The following MADD variants were observed in gnomAD, a reference collection of about 807,000 sequenced individuals.
MADD encodes the protein MAP kinase-activating death domain protein.
Under a neutral mutation model 176.7 loss-of-function variants are expected in MADD, and 109 were observed. The ratio of observed to expected loss-of-function variants is 0.62; its 90% CI spans 0.53 to 0.72. The LOEUF (loss-of-function observed/expected upper bound fraction) is 0.72. Ranked by LOEUF, MADD falls within the 30% of genes least tolerant of loss-of-function variation. The pLI is 0.00. For missense variants in MADD, 1,914 were observed against 2,045.5 expected, an observed-to-expected ratio of 0.94 and a Z score of 1.24; for synonymous variants, 771 against 771.3, an observed-to-expected ratio of 1.00 and a Z score of 0.01.
intron 27 of MADD, 23 bp from the exon 31 acceptor site, chr11:47,323,648 A>G (rs887443449): frequency 1.9e-6 from 3 of 1,608,334 alleles, no homozygotes; most frequent in Non-Finnish European, 2.5e-6. Context: ...GGAACCACTG[A>G]GCCGCTTTGT....
chr11:47,310,631 C>T (rs1594578306), intron 25 of MADD, among the ~76,000 whole-genome samples: 2 of 151,790 alleles, frequency 1.3e-5, no homozygotes, highest in Admixed American at 6.6e-5. Flanking sequence ...CAGGACCAGG[C>T]GCGGTGGCTC....
intron 7 of MADD, among the ~76,000 whole-genome samples, chr11:47,280,422 CAG>C (rs1183439529): frequency 6.6e-6 from 1 of 152,116 alleles, no homozygotes; most frequent in Non-Finnish European, 1.5e-5. Context: ...CTTGTTACTG[CAG>C]AGTCTAGTGG....
At chr11:47,327,868 C>G in intron 31 of MADD, 1 of 985,402 alleles carries the variant, frequency 1.0e-6, no homozygotes, top group Middle Eastern at 5.2e-4. Flanking sequence ...GGTGGCTGAG[C>G]CTGGGGGGCC....
chr11:47,328,674 AGTG>A (rs1366007817), exon 32 of MADD: 4 of 1,614,254 alleles, frequency 2.5e-6, no homozygotes, highest in Non-Finnish European at 3.4e-6. Context: ...AAATTAAAGA[AGTG>A]GTGAGCCACA....
chr11:47,283,444 C>T (rs749847355), intron 10 of MADD, among the ~76,000 whole-genome samples: 5 of 151,930 alleles, frequency 3.3e-5, no homozygotes, highest in Non-Finnish European at 7.4e-5. Flanking sequence ...CTCTGTCACG[C>T]GGTCTGGAGT....
At position 47,328,624 on chromosome 11, in the gene MADD, C is replaced by G. The variant is rs201535748; in HGVS notation, c.4613-34C>G. 137 of 1,614,068 alleles carry G rather than the reference C, an allele frequency of 8.5e-5. 1 individual carries two copies. The highest frequency in any genetic ancestry group is 8.2e-4 in the Admixed American group (49 of 59,992). On this transcript the variant is annotated intron_variant, in intron 31 of 32. Coordinates refer to ENST00000402192, the Ensembl canonical transcript of MADD. ...TGGCACGATTGCTCTTAGTGTTGAA[C>G]TTTCTGTTTTGTCTCTTGCCCGTCC... is the stretch of plus-strand genomic sequence containing the variant.
chr11:47,326,824 G>C lies in MADD; in HGVS notation c.4612+17G>C. 1 of 1,613,988 alleles carries C rather than the reference G, an allele frequency of 6.2e-7. No individual in the cohort carries two copies. The highest frequency in any genetic ancestry group is 8.5e-7 in the Non-Finnish European group (1 of 1,179,936). On this transcript the variant is annotated intron_variant, in intron 31 of 32. Coordinates refer to ENST00000402192, the Ensembl canonical transcript of MADD. ...AGGAATTTGGTAATTACACTATTTT[G>C]CTCTTAGGTCTGGACTCACATGGCA...
At chr11:47,316,192 G>T (rs776346790) in intron 27 of MADD, among the ~76,000 whole-genome samples, 4 of 151,816 alleles carry the variant, frequency 2.6e-5, no homozygotes, top group Non-Finnish European at 4.4e-5. Flanking sequence ...TATACATAAA[G>T]ATATCTATAT....
intron 26 of MADD, 74 bp from the exon 30 acceptor site, chr11:47,315,146 G>A: frequency 1.2e-6 from 1 of 833,108 alleles, no homozygotes; most frequent in South Asian, 1.4e-5. Context: ...TTTGATTGCT[G>A]GATGGGGAAT....
intron 22 of MADD, among the ~76,000 whole-genome samples, chr11:47,306,187 G>C (rs1011732022): frequency 1.1e-4 from 16 of 152,148 alleles, no homozygotes; most frequent in African/African-American, 3.6e-4. Flanking sequence ...CAAGGGGAGT[G>C]GGGAGGGGTA....
intron 25 of MADD, among the ~76,000 whole-genome samples, chr11:47,311,280 A>G (rs1017964503): frequency 6.6e-6 from 1 of 151,816 alleles, no homozygotes; most frequent in Non-Finnish European, 1.5e-5. Flanking sequence ...GTTGCACTGT[A>G]CTCTGTGGAA....
At chr11:47,300,768 G>A (rs1336599467) in intron 22 of MADD, among the ~76,000 whole-genome samples, 2 of 152,222 alleles carry the variant, frequency 1.3e-5, no homozygotes, top group Admixed American at 6.5e-5. Flanking sequence ...AAAGTGCTGG[G>A]ATTATAGGCG....
intron 2 of MADD, among the ~76,000 whole-genome samples, chr11:47,274,233 A>C (rs920222657): frequency 6.6e-6 from 1 of 152,256 alleles, no homozygotes; most frequent in African/African-American, 2.4e-5. Context: ...TGTAAAAAGA[A>C]AAAGTACATT....
intron 27 of MADD, 132 bp from the exon 31 acceptor site, chr11:47,323,539 A>T: frequency 1.2e-6 from 1 of 816,780 alleles, no homozygotes; most frequent in Non-Finnish European, 1.9e-6. Flanking sequence ...GTCTTCACCT[A>T]GGGAAACCAT....
Position 47,323,523 on chromosome 11 carries a change from T to G in MADD, c.4198-148T>G, listed in dbSNP as rs1033469122. The G allele has an allele frequency of 5.8e-6, 4 of 691,926 alleles. No homozygotes were observed. In the African/African-American group the frequency reaches 7.2e-5, roughly 12 times the overall value. 42.9% of individuals were successfully genotyped at this position (691,926 alleles called of 1,614,324 possible). Reference sequence around the variant, plus strand: ...AGCAGGCAGCATGTCAGTAGTTCTGTTTTGTGTCTTCACCTAGGGAAACCA... The same window carrying G: ...AGCAGGCAGCATGTCAGTAGTTCTGGTTTGTGTCTTCACCTAGGGAAACCA... On this transcript the variant is annotated intron_variant, in intron 27 of 32. Transcript: ENST00000402192.
intron 7 of MADD, 97 bp downstream of exon 7, chr11:47,279,176 C>A (rs1301680900): frequency 1.7e-6 from 2 of 1,169,374 alleles, no homozygotes; most frequent in Non-Finnish European, 1.2e-6. Context: ...TATCAAACTT[C>A]AAGTGGAGTA....
chr11:47,287,877 G>A (rs1349302169), intron 15 of MADD, among the ~76,000 whole-genome samples: 5 of 134,982 alleles, frequency 3.7e-5, no homozygotes, highest in African/African-American at 8.3e-5. Flanking sequence ...TGCAAGCTCC[G>A]CCTCCCGGGT....
At chr11:47,304,849 C>G (rs1858025538) in intron 22 of MADD, among the ~76,000 whole-genome samples, 1 of 152,144 alleles carries the variant, frequency 6.6e-6, no homozygotes, top group Non-Finnish European at 1.5e-5. Flanking sequence ...TACCCCACAT[C>G]TGGCAGAACA....
rs755365431 is a variant in MADD, at chr11:47,282,363, C to T, written c.1470-18C>T. On this transcript the variant is annotated intron_variant, in intron 8 of 32. Coordinates refer to ENST00000402192, the Ensembl canonical transcript of MADD. ...TTACCCTATGGGTCTCAGATTATCT[C>T]ATCATCTGCTTCCCCAGGGTTGCCA... 1.2e-6 allele frequency: 2 copies of T among 1,601,208 alleles called. No individual in the cohort carries two copies. Among genetic ancestry groups the T allele is most frequent in the South Asian group, 2.2e-5 (2 of 90,828 alleles).
Sources: gnomAD v4.1 joint callset for allele counts (sites outside exome capture counted in the v4.1 genomes callset) on GRCh38, gnomAD v4.1.1 for gene constraint, MANE v1.5 for transcripts, NCBI Gene and HGNC (gene_info 2026-07-23, HGNC 2026-07-21) for gene names.